LUC7L3: variants seen among roughly 807,000 people sequenced by gnomAD.
The protein encoded by LUC7L3 is luc7-like protein 3.
In LUC7L3, 6 loss-of-function variants were observed where a neutral mutation model predicts 66.8. The observed-to-expected ratio is 0.09, with a 90% confidence interval of 0.05 to 0.18. The LOEUF is 0.18. LUC7L3 is among the 10% of genes least tolerant of loss of function. The pLI is 1.00. For synonymous variants in LUC7L3, 160 were observed against 174.7 expected, an observed-to-expected ratio of 0.92 and a Z score of 0.66; for missense variants, 341 against 531.1, an observed-to-expected ratio of 0.64 and a Z score of 3.52.
chr17:50,731,559 T>C (rs190045072), intron 1 of LUC7L3, among the ~76,000 whole-genome samples: 3 of 152,344 alleles, frequency 2.0e-5, no homozygotes, highest in Admixed American at 2.0e-4. Context: ...TTGTTAATAT[T>C]TTTAGTTAAA....
At chr17:50,736,733 A>G in intron 1 of LUC7L3, 1 of 440,590 alleles carries the variant, frequency 2.3e-6, no homozygotes, top group African/African-American at 2.1e-5. Flanking sequence ...ATGATTAAAA[A>G]TAGATAAAGA....
In LUC7L3 at chr17:50,734,169, C is replaced by CT. The variant is rs11312737; in HGVS notation, c.100-2776dup. On this transcript the variant is annotated intron_variant, in intron 1 of 9. Coordinates refer to ENST00000505658, the MANE Select transcript of LUC7L3 (RefSeq NM_016424.5). The stretch of plus-strand genomic sequence containing the variant: ...TTACAAAGAATAATCTTTTTTAAAA[C>CT]TTTTTTTTTTTTTTTGAGATGGAGT... Among the ~76,000 whole-genome samples the CT allele has an allele frequency of 1.4e-3, 196 of 139,702 alleles. 1 individual carries two copies. The highest frequency in any genetic ancestry group is 4.1e-3 in the East Asian group (20 of 4,824). The allele number at this position is 139,702 out of a possible 152,430, so 91.6% of individuals were successfully genotyped here.
In LUC7L3 at chr17:50,755,268, AAC is replaced by A. The variant is rs1971090348; in HGVS notation, c.*4609_*4610del. 1 of 152,110 alleles carries A rather than the reference AAC, an allele frequency of 6.6e-6. No individual in the cohort carries two copies. The highest frequency in any genetic ancestry group is 2.1e-4 in the South Asian group (1 of 4,834). The allele number at this position is 152,110 out of a possible 1,614,324, so 9.4% of individuals were successfully genotyped here. On this transcript the variant is annotated 3_prime_UTR_variant, in exon 10 of 10. Coordinates refer to ENST00000505658, the MANE Select transcript of LUC7L3 (RefSeq NM_016424.5). Reference sequence around the variant, plus strand: ...TCCTCTGCAGGAGCTTGCTGCTGTTAACAGTTATTCTTCCAAGTTGTTTTCTT... The same window carrying A: ...TCCTCTGCAGGAGCTTGCTGCTGTTAAGTTATTCTTCCAAGTTGTTTTCTT...
chr17:50,736,358 C>T (rs1222059686), intron 1 of LUC7L3, among the ~76,000 whole-genome samples: 1 of 152,160 alleles, frequency 6.6e-6, no homozygotes, highest in East Asian at 1.9e-4. Flanking sequence ...ACTGTGGGAA[C>T]CCACCAAGAG....
chr17:50,720,242 C>T (rs760629309), intron 1 of LUC7L3, among the ~76,000 whole-genome samples: 8 of 152,132 alleles, frequency 5.3e-5, no homozygotes, highest in South Asian at 2.1e-4. Context: ...TGGTAAAAAT[C>T]GTGGCGGTAT....
intron 1 of LUC7L3, among the ~76,000 whole-genome samples, chr17:50,721,907 G>GTT (rs552019771): frequency 7.0e-6 from 1 of 143,744 alleles, no homozygotes; most frequent in Non-Finnish European, 1.5e-5. Flanking sequence ...TGGGGCCCTT[G>GTT]TTTTTTTTTT....
rs1416877638 is a variant in LUC7L3 at position 50,753,480 on chromosome 17, GC to G, written c.*2824del. 6.6e-6 allele frequency: 1 copy of G among 152,180 alleles called. No homozygotes were observed. The highest frequency in any genetic ancestry group is 6.6e-5 in the Admixed American group (1 of 15,254). 9.4% of individuals were successfully genotyped at this position (152,180 alleles called of 1,614,324 possible). ...CCAAACTTTGAAAAATAATGAAGCC[GC>G]CCCCACTTTAGAGGCTCTGTATGAA... On this transcript the variant is annotated 3_prime_UTR_variant, in exon 10 of 10. Transcript: ENST00000505658.
At chr17:50,738,310 C>G (rs1039103741) in intron 2 of LUC7L3, 1 of 223,124 alleles carries the variant, frequency 4.5e-6, no homozygotes, top group Non-Finnish European at 9.3e-6. Flanking sequence ...AACTTCCAGT[C>G]AGATTTTGGA....
chr17:50,731,617 A>G (rs1259377975), intron 1 of LUC7L3, among the ~76,000 whole-genome samples: 1 of 152,194 alleles, frequency 6.6e-6, no homozygotes, highest in Non-Finnish European at 1.5e-5. Flanking sequence ...TAGCTGGTTT[A>G]TTGTGTAGAG....
intron 1 of LUC7L3, chr17:50,722,590 A>C (rs1448875797): frequency 6.6e-6 from 1 of 152,212 alleles, no homozygotes; most frequent in African/African-American, 2.4e-5. Flanking sequence ...TGCACAATTA[A>C]ATCTTAATTG....
At chr17:50,727,595 T>C (rs535378595) in intron 1 of LUC7L3, among the ~76,000 whole-genome samples, 2 of 152,236 alleles carry the variant, frequency 1.3e-5, no homozygotes, top group East Asian at 3.9e-4. Context: ...GGATGGATAC[T>C]CAGGAAAGGC....
At chr17:50,736,904 C>T (rs1205911352) in intron 1 of LUC7L3, 56 bp from the exon 2 acceptor site, 8 of 1,038,168 alleles carry the variant, frequency 7.7e-6, no homozygotes, top group African/African-American at 3.1e-5. Flanking sequence ...GCACCTTTCT[C>T]CAATAAAGTT....
At chr17:50,747,236 T>C (rs1272959986) in intron 9 of LUC7L3, among the ~76,000 whole-genome samples, 4 of 89,658 alleles carry the variant, frequency 4.5e-5, no homozygotes, top group Admixed American at 3.1e-4. Flanking sequence ...CTTTTTCTTT[T>C]TTTTTTTTTT....
chr17:50,738,067 C>T, intron 2 of LUC7L3: 1 of 422,370 alleles, frequency 2.4e-6, no homozygotes, highest in South Asian at 1.7e-5. Flanking sequence ...GTAAATGAAT[C>T]TATATTTTTA....
Position 50,750,657 on chromosome 17 carries a change from A to T in LUC7L3, c.1295A>T (p.Asn432Ile). ...AAATCTGAAGGTGACACTCAGTCCA[A>T]TTAAAACTGATCTGATAAGACCTCA... ...DIKSEGDTQS[N>I] The change falls in exon 10 of 10, where the codon AAT becomes ATT. Residue 432 changes from asparagine to isoleucine, a missense_variant. Physicochemically the swap from Asn to Ile is moderately radical, Grantham distance 149. Coordinates refer to ENST00000505658, the MANE Select transcript of LUC7L3 (RefSeq NM_016424.5). The T allele has an allele frequency of 6.2e-7, 1 of 1,614,112 alleles. No individual in the cohort carries two copies. The highest frequency in any genetic ancestry group is 8.5e-7 in the Non-Finnish European group (1 of 1,179,988).
chr17:50,744,326 A>G (rs529853897), intron 6 of LUC7L3, among the ~76,000 whole-genome samples: 26 of 152,348 alleles, frequency 1.7e-4, no homozygotes, highest in African/African-American at 6.3e-4. Flanking sequence ...GTATATGGAC[A>G]TTATTCCTTG....
Position 50,750,902 on chromosome 17 carries a change from G to C in LUC7L3, c.*241G>C. 1 of 1,535,692 alleles carries C rather than the reference G, an allele frequency of 6.5e-7. No individual in the cohort carries two copies. The highest frequency in any genetic ancestry group is 8.7e-7 in the Non-Finnish European group (1 of 1,146,796). On this transcript the variant is annotated 3_prime_UTR_variant, in exon 10 of 10. Coordinates refer to ENST00000505658, the MANE Select transcript of LUC7L3 (RefSeq NM_016424.5). Reference sequence around the variant, plus strand: ...TTGTAGCAGACTCGTGCCCCCATTAGTGTGCCTCTTTGGAAATTATCGCCC... The same window carrying C: ...TTGTAGCAGACTCGTGCCCCCATTACTGTGCCTCTTTGGAAATTATCGCCC...
intron 1 of LUC7L3, chr17:50,723,804 T>C: frequency 2.9e-6 from 1 of 341,358 alleles, no homozygotes; most frequent in Non-Finnish European, 5.9e-6. Flanking sequence ...GCCCGGCTAA[T>C]TTTTGTATTT....
chr17:50,748,698 G>T (rs1481735040), intron 9 of LUC7L3, among the ~76,000 whole-genome samples: 1 of 152,106 alleles, frequency 6.6e-6, no homozygotes, highest in African/African-American at 2.4e-5. Flanking sequence ...TTTTCCATGT[G>T]AGACTTGGTG....
Sources: gnomAD v4.1 joint callset for allele counts (sites outside exome capture counted in the v4.1 genomes callset) on GRCh38, gnomAD v4.1.1 for gene constraint, MANE v1.5 for transcripts, NCBI Gene and HGNC (gene_info 2026-07-23, HGNC 2026-07-21) for gene names.